NDE1: variants seen among roughly 807,000 people sequenced by gnomAD.
NDE1 encodes the protein nuclear distribution protein nudE homolog 1.
Under a neutral mutation model 43.4 loss-of-function variants are expected in NDE1, and 28 were observed. The observed-to-expected ratio is 0.65, with a 90% CI of 0.48 to 0.89. The LOEUF (loss-of-function observed/expected upper bound fraction) is 0.89. NDE1 is among the 40% of genes least tolerant of loss of function. The pLI, the probability that NDE1 is intolerant of heterozygous loss-of-function variation, is 0.00. For missense variants in NDE1, 441 were observed against 434.1 expected, an observed-to-expected ratio of 1.02 and a Z score of -0.14; for synonymous variants, 184 against 172.0, an observed-to-expected ratio of 1.07 and a Z score of -0.55.
At chr16:15,679,427 T>C (rs1263572560) in intron 4 of NDE1, among the ~76,000 whole-genome samples, 1 of 152,232 alleles carries the variant, frequency 6.6e-6, no homozygotes, top group Non-Finnish European at 1.5e-5. Flanking sequence ...CCTAATTATT[T>C]TTTTGTCTTT....
In NDE1 at chr16:15,724,390, T is replaced by A. The variant is rs1333178035; in HGVS notation, c.*139T>A. 6.2e-7 allele frequency: 1 copy of A among 1,613,876 alleles called. No homozygotes were observed. The highest frequency in any genetic ancestry group is 1.3e-5 in the African/African-American group (1 of 74,912). ...CACGGTGCTGGCAAAGTCCTGCAGC[T>A]TCTTCTTCGAGTCGGAGAGCTACAA... is the stretch of plus-strand genomic sequence containing the variant. On this transcript the variant is annotated 3_prime_UTR_variant, in exon 9 of 9. Transcript: ENST00000396354.
At chr16:15,673,721 G>A (rs1479190013) in intron 3 of NDE1, among the ~76,000 whole-genome samples, 1 of 151,974 alleles carries the variant, frequency 6.6e-6, no homozygotes, top group African/African-American at 2.4e-5. Flanking sequence ...CTGTAGAGAT[G>A]GAGTCTTCCT....
chr16:15,705,772 G>C (rs11862637), intron 8 of NDE1, among the ~76,000 whole-genome samples: 22,775 of 151,636 alleles, frequency 0.15, 3,606 homozygotes, highest in African/African-American at 0.4. Context: ...ATGAGGTCAG[G>C]AGATCGAGAC....
At chr16:15,703,523 T>C in intron 8 of NDE1, 1 of 294,998 alleles carries the variant, frequency 3.4e-6, no homozygotes, top group Non-Finnish European at 6.5e-6. Flanking sequence ...GTGTTTCCTG[T>C]TGGGTTTTTC....
chr16:15,710,267 A>T (rs2039704728), intron 8 of NDE1, among the ~76,000 whole-genome samples: 2 of 152,100 alleles, frequency 1.3e-5, no homozygotes, highest in Non-Finnish European at 2.9e-5. Context: ...TCACGCCTGT[A>T]ACCCCAGCAC....
At chr16:15,674,330 G>A (rs1240524485) in intron 3 of NDE1, among the ~76,000 whole-genome samples, 1 of 152,082 alleles carries the variant, frequency 6.6e-6, no homozygotes, top group East Asian at 1.9e-4. Flanking sequence ...TGCAACCTCC[G>A]CCTCCTGGGT....
chr16:15,698,296 C>T (rs2039100742), intron 8 of NDE1, among the ~76,000 whole-genome samples: 1 of 151,982 alleles, frequency 6.6e-6, no homozygotes, highest in Admixed American at 6.6e-5. Context: ...CTTTGGGAGG[C>T]TGAGGGCAGC....
chr16:15,648,564 A>G (rs564543622), upstream of NDE1, among the ~76,000 whole-genome samples: 4 of 152,224 alleles, frequency 2.6e-5, no homozygotes, highest in African/African-American at 9.6e-5. Flanking sequence ...TAATCCCAGC[A>G]CTTTGGGAGA....
intron 8 of NDE1, chr16:15,699,556 C>CT (rs2039155042): frequency 8.4e-7 from 1 of 1,184,976 alleles, no homozygotes; most frequent in African/African-American, 1.6e-5. Context: ...ACCTTGGAAT[C>CT]TGAGAGCCAG....
chr16:15,657,357 C>T (rs2036822305), intron 1 of NDE1, among the ~76,000 whole-genome samples: 1 of 151,918 alleles, frequency 6.6e-6, no homozygotes, highest in Admixed American at 6.6e-5. Flanking sequence ...CCTTGGCTTC[C>T]CAAAGTGTTG....
chr16:15,696,726 C>A lies in NDE1; in HGVS notation c.813C>A (p.Leu271=), dbSNP rs534864382. Residue 271 remains leucine, a synonymous_variant, in exon 8 of 9, where the codon CTC becomes CTA. Coordinates refer to ENST00000396354, the MANE Select transcript of NDE1 (RefSeq NM_017668.3). ...LRKVGALESK[L]ASCRNLVYDQ... ...CTGTCCAGGCACTGGAGTCCAAACT[C>A]GCTTCCTGCCGGAACCTCGTGTACG... 1 of 1,614,204 alleles carries A rather than the reference C, an allele frequency of 6.2e-7. No individual in the cohort carries two copies. The highest frequency in any genetic ancestry group is 1.1e-5 in the South Asian group (1 of 91,088).
intron 8 of NDE1, chr16:15,703,816 T>G: frequency 1.1e-6 from 1 of 876,270 alleles, no homozygotes; most frequent in Non-Finnish European, 1.8e-6. Flanking sequence ...GGTGGTGGTT[T>G]TTATATTCCT....
rs753685135 is a variant in NDE1, at chr16:15,720,993, G to A, written c.948-3198G>A. On this transcript the variant is annotated intron_variant, in intron 8 of 8. Transcript: ENST00000396354. ...CTCGTCCTCCAGCTCTTCCAGCTGC[G>A]TCTTCATCTCCTCCATCTGGGTCTC... 3.3e-5 allele frequency: 54 copies of A among 1,613,886 alleles called. 1 individual carries two copies. Among genetic ancestry groups the A allele is most frequent in the African/African-American group, 2.4e-4 (18 of 74,858 alleles).
At position 15,709,005 on chromosome 16, in the gene NDE1, C is replaced by T. The variant is rs146779307; in HGVS notation, c.947+12145C>T. The stretch of plus-strand genomic sequence containing the variant: ...TCACCCAGGCTGGAGTGCAGGGGTG[C>T]GATCTTGGCTCACTGCAACCTCTAC... On this transcript the variant is annotated intron_variant, in intron 8 of 8. Coordinates refer to ENST00000396354, the MANE Select transcript of NDE1 (RefSeq NM_017668.3). Among the ~76,000 whole-genome samples the T allele has an allele frequency of 7.3e-3, 1,102 of 151,726 alleles. 13 individuals carry two copies. The highest frequency in any genetic ancestry group is 0.026 in the African/African-American group (1,072 of 41,362).
chr16:15,716,109 AAAAAT>A (rs1286545824), intron 8 of NDE1, among the ~76,000 whole-genome samples: 17 of 151,892 alleles, frequency 1.1e-4, no homozygotes, highest in African/African-American at 3.9e-4. Flanking sequence ...TCAAAAAAAT[AAAAAT>A]AAAAAAGTCT....
chr16:15,686,618 C>A, intron 4 of NDE1: 1 of 873,552 alleles, frequency 1.1e-6, no homozygotes, highest in Non-Finnish European at 1.4e-6. Context: ...TTTGAGATTG[C>A]AGTGAGCTGT....
Position 15,721,454 on chromosome 16 carries a change from G to T in NDE1, c.948-2737G>T. ...CCCACGTCATCCTTGGAGCTGACCA[G>T]GTCTTCCATTTCGGCTTTGAGCATT... On this transcript the variant is annotated intron_variant, in intron 8 of 8. Coordinates refer to ENST00000396354, the MANE Select transcript of NDE1 (RefSeq NM_017668.3). 1 of 1,614,224 alleles carries T rather than the reference G, an allele frequency of 6.2e-7. No individual in the cohort carries two copies. Among genetic ancestry groups the T allele is most frequent in the Non-Finnish European group, 8.5e-7 (1 of 1,180,050 alleles).
At chr16:15,678,054 G>C (rs780887115) in intron 4 of NDE1, 105 bp downstream of exon 4, 127 of 1,421,286 alleles carry the variant, frequency 8.9e-5, no homozygotes, top group Middle Eastern at 7.2e-4. Flanking sequence ...ACTAAGCAGT[G>C]AGCAGAACAA....
At chr16:15,671,658 C>T (rs2037599298) in intron 3 of NDE1, among the ~76,000 whole-genome samples, 1 of 152,156 alleles carries the variant, frequency 6.6e-6, no homozygotes, top group African/African-American at 2.4e-5. Context: ...ACCTGCTACA[C>T]ACAATGAGCA....
Sources: allele counts gnomAD v4.1 joint callset (sites outside exome capture counted in the v4.1 genomes callset), GRCh38; gene constraint gnomAD v4.1.1; transcripts MANE v1.5; gene names NCBI Gene and HGNC (gene_info 2026-07-23, HGNC 2026-07-21).